NIN: variants seen among roughly 807,000 people sequenced by gnomAD.
The protein encoded by NIN is glycogen synthase kinase 3 beta-interacting protein.
In NIN, 137 loss-of-function variants were observed where a neutral mutation model predicts 257.6. That is an observed-to-expected ratio of 0.53 (90% CI 0.46 to 0.61). NIN has a LOEUF of 0.61. Among genes scored for constraint, NIN ranks in the 20% least tolerant of loss-of-function variants. The pLI is 0.00. For missense variants in NIN, 2,439 were observed against 2,501.2 expected, an observed-to-expected ratio of 0.98 and a Z score of 0.53; for synonymous variants, 918 against 919.8, an observed-to-expected ratio of 1.00 and a Z score of 0.04.
At position 50,770,982 on chromosome 14, in the gene NIN, C is replaced by A; in HGVS notation, c.1129G>T (p.Asp377Tyr). ...AEIRHLLERV[D>Y]QVVREKEKLR... Reference sequence around the variant, plus strand: ...TTCTCTTTTTCTCTGACCACCTGATCAACTCGTTCCCTAGGATCAGAAGTA... The same window carrying A: ...TTCTCTTTTTCTCTGACCACCTGATAAACTCGTTCCCTAGGATCAGAAGTA... Residue 377 changes from aspartate to tyrosine, a missense_variant, in exon 11 of 31, where the codon GAT becomes TAT. Coordinates refer to ENST00000530997, the MANE Select transcript of NIN (RefSeq NM_020921.4). 2 of 1,613,830 alleles carry A rather than the reference C, an allele frequency of 1.2e-6. No individual in the cohort carries two copies. The highest frequency in any genetic ancestry group is 4.5e-5 in the East Asian group (2 of 44,886).
In NIN at chr14:50,757,194, T is replaced by A; in HGVS notation, c.3836A>T (p.Asn1279Ile). 1 of 1,613,596 alleles carries A rather than the reference T, an allele frequency of 6.2e-7. No individual in the cohort carries two copies. The highest frequency in any genetic ancestry group is 1.1e-5 in the South Asian group (1 of 90,928). ...AACCTCTGCAGTGAGTTCTTTGTTA[T>A]TTTCTAGTGCCTCATCGTAGCGTGT... ...METRYDEALE[N>I]NKELTAEVFR... The change falls in exon 18 of 31, where the codon AAT (asparagine) becomes ATT (isoleucine). Residue 1279 changes from asparagine to isoleucine, a missense_variant. Asn to Ile is a moderately radical substitution (Grantham distance 149). Around this residue, in one of 3 missense-constraint regions of NIN, gnomAD observed 2,043 missense variants for 2,050.2 expected, o/e 1.00. Coordinates refer to ENST00000530997, the MANE Select transcript of NIN (RefSeq NM_020921.4).
intron 4 of NIN, among the ~76,000 whole-genome samples, chr14:50,804,133 G>C (rs2044219870): frequency 6.6e-6 from 1 of 152,146 alleles, no homozygotes; most frequent in Admixed American, 6.5e-5. Flanking sequence ...CTGACCTCAA[G>C]TGATCTGCCC....
At chr14:50,751,702 C>T (rs2041796988) in intron 21 of NIN, among the ~76,000 whole-genome samples, 1 of 152,038 alleles carries the variant, frequency 6.6e-6, no homozygotes, top group Admixed American at 6.6e-5. Context: ...AATTTTTAAA[C>T]TTTTTGTAGA....
Position 50,741,780 on chromosome 14 carries a change from C to T in NIN, c.5302-52G>A, listed in dbSNP as rs769108771. The T allele has an allele frequency of 7.0e-6, 11 of 1,577,478 alleles. No individual in the cohort carries two copies. The South Asian group carries it at 1.3e-4, about 18-fold the overall frequency. ...GCTACACAAACTCTTGTGGTCTCACCTCTAGCATGTTCAGGAATGAATAAG... is the reference window on the plus strand; with the variant it reads ...GCTACACAAACTCTTGTGGTCTCACTTCTAGCATGTTCAGGAATGAATAAG... On this transcript the variant is annotated intron_variant, in intron 24 of 30. Coordinates refer to ENST00000530997, the MANE Select transcript of NIN (RefSeq NM_020921.4).
intron 12 of NIN, among the ~76,000 whole-genome samples, chr14:50,768,052 A>AACACACACACAC (rs61028485): frequency 7.2e-6 from 1 of 138,996 alleles, no homozygotes; most frequent in African/African-American, 2.7e-5. Context: ...CACATTTGCC[A>AACACACACACAC]ACACACACAC....
At chr14:50,810,372 T>C (rs1026288182) in intron 3 of NIN, among the ~76,000 whole-genome samples, 33 of 151,990 alleles carry the variant, frequency 2.2e-4, no homozygotes, top group African/African-American at 8.0e-4. Context: ...ACAGGGGCAC[T>C]CCAAGCTAAA....
chr14:50,743,789 A>AG (rs1212607720), intron 23 of NIN, among the ~76,000 whole-genome samples: 1 of 152,192 alleles, frequency 6.6e-6, no homozygotes, highest in Non-Finnish European at 1.5e-5. Context: ...TGAGGGTGGA[A>AG]GATGGTAAGC....
chr14:50,769,996 A>C (rs1202322587), intron 12 of NIN, among the ~76,000 whole-genome samples: 1 of 151,742 alleles, frequency 6.6e-6, no homozygotes. Flanking sequence ...ACAGGCATCC[A>C]TGTAGCAGGA....
chr14:50,798,402 G>C lies in NIN; in HGVS notation c.266-5521C>G, dbSNP rs540774469. Among the ~76,000 whole-genome samples the C allele has an allele frequency of 1.4e-3, 208 of 152,312 alleles. 7 individuals carry two copies. In the South Asian group the frequency reaches 0.042, roughly 31 times the overall value. On this transcript the variant is annotated intron_variant, in intron 4 of 30. Transcript: ENST00000530997. Reference sequence around the variant, plus strand: ...GCCTTGCCCAGGAGGAAGGCTTCCAGGGGAAAGTTACCACCCCCCGAAGGT... The same window carrying C: ...GCCTTGCCCAGGAGGAAGGCTTCCACGGGAAAGTTACCACCCCCCGAAGGT...
chr14:50,785,043 C>G (rs1046445183), intron 5 of NIN, among the ~76,000 whole-genome samples: 2 of 152,244 alleles, frequency 1.3e-5, no homozygotes, highest in Non-Finnish European at 2.9e-5. Flanking sequence ...AGGAGTCCCC[C>G]CAAACCCACT....
At chr14:50,797,366 G>A (rs1449940871) in intron 4 of NIN, among the ~76,000 whole-genome samples, 1 of 152,098 alleles carries the variant, frequency 6.6e-6, no homozygotes, top group Admixed American at 6.5e-5. Context: ...GTCCCTTCCT[G>A]ACTCATTTAG....
intron 2 of NIN, among the ~76,000 whole-genome samples, chr14:50,822,364 C>T (rs1157531271): frequency 6.6e-6 from 1 of 152,214 alleles, no homozygotes; most frequent in Non-Finnish European, 1.5e-5. Context: ...AGACACCCTC[C>T]TCTCTTGCCT....
At position 50,778,103 on chromosome 14, in the gene NIN, A is replaced by G. The variant is rs1214665449; in HGVS notation, c.475+662T>C. On this transcript the variant is annotated intron_variant, in intron 6 of 30. Coordinates refer to ENST00000530997, the MANE Select transcript of NIN (RefSeq NM_020921.4). ...AGTGCCATCTGGTGGCCAGAGGATC[A>G]ACGTGTTCTGATGCTTCTTAAATAC... Among the ~76,000 whole-genome samples the G allele has an allele frequency of 2.6e-5, 4 of 152,370 alleles. No homozygotes were observed. In the East Asian group the frequency reaches 7.7e-4, roughly 29 times the overall value.
In NIN at chr14:50,748,081, C is replaced by G. The variant is rs148179553; in HGVS notation, c.4975G>C (p.Glu1659Gln). 6.2e-7 allele frequency: 1 copy of G among 1,612,948 alleles called. No homozygotes were observed. The highest frequency in any genetic ancestry group is 8.5e-7 in the Non-Finnish European group (1 of 1,179,204). ...VQSSTLVSSL[E>Q]AELSEVKIQT... The stretch of plus-strand genomic sequence containing the variant: ...ATTTTAACTTCAGAGAGCTCCGCCT[C>G]CAGAGAAGACACTAAAGTGGAGGAC... The change falls in exon 22 of 31, where the codon GAG becomes CAG. Residue 1659 changes from glutamate (E) to glutamine (Q), a missense_variant. Transcript: ENST00000530997.
At chr14:50,776,676 C>G (rs952504510) in intron 7 of NIN, among the ~76,000 whole-genome samples, 1 of 152,222 alleles carries the variant, frequency 6.6e-6, no homozygotes, top group Non-Finnish European at 1.5e-5. Flanking sequence ...GACATCATGG[C>G]TACAGAGAGC....
chr14:50,803,080 G>A (rs1256503084), intron 4 of NIN, among the ~76,000 whole-genome samples: 4 of 152,110 alleles, frequency 2.6e-5, no homozygotes, highest in African/African-American at 9.7e-5. Context: ...CTCGCCGGGC[G>A]CAGTGGCTCA....
At chr14:50,750,262 T>G (rs1444798858) in intron 21 of NIN, among the ~76,000 whole-genome samples, 7 of 152,190 alleles carry the variant, frequency 4.6e-5, no homozygotes, top group African/African-American at 1.7e-4. Context: ...GTAACCAAGA[T>G]CTGGGCAATC....
chr14:50,810,230 C>CAAAAAAA (rs57511926), intron 3 of NIN, among the ~76,000 whole-genome samples: 1 of 73,094 alleles, frequency 1.4e-5, no homozygotes, highest in Non-Finnish European at 3.1e-5. Context: ...GACTCCGTCT[C>CAAAAAAA]AAAAAAAAAA....
chr14:50,792,391 T>C (rs1054442675), intron 5 of NIN: 3 of 237,570 alleles, frequency 1.3e-5, no homozygotes, highest in Admixed American at 5.2e-5. Context: ...TAACTAAAAA[T>C]GATCATGCTA....
Sources: gnomAD v4.1 joint callset for allele counts (sites outside exome capture counted in the v4.1 genomes callset) on GRCh38, gnomAD v4.1.1 for gene constraint, gnomAD v4.1.1 regional missense constraint, MANE v1.5 for transcripts, NCBI Gene and HGNC (gene_info 2026-07-23, HGNC 2026-07-21) for gene names.